Variants in OTOGL observed in about 807,000 individuals in gnomAD.
OTOGL encodes otogelin-like protein.
Under a neutral mutation model 318.5 loss-of-function variants are expected in OTOGL, and 285 were observed. The observed-to-expected ratio is 0.89, with a 90% CI of 0.81 to 0.99. OTOGL has a LOEUF of 0.99. Among genes scored for constraint, OTOGL ranks in the 50% least tolerant of loss-of-function variants. The pLI is 0.00. For synonymous variants in OTOGL, 987 were observed against 936.5 expected, an observed-to-expected ratio of 1.05 and a Z score of -0.99; for missense variants, 2,899 against 2,845.6, an observed-to-expected ratio of 1.02 and a Z score of -0.43.
chr12:80,313,343 A>G (rs1886761160), intron 30 of OTOGL, 133 bp from the exon 31 acceptor site: 2 of 769,590 alleles, frequency 2.6e-6, no homozygotes, highest in Non-Finnish European at 4.1e-6. Flanking sequence ...GGCTTTAAAT[A>G]AAGAGAACTC....
chr12:80,100,210 T>C (rs1869055693), intron 1 of OTOGL, among the ~76,000 whole-genome samples: 1 of 152,184 alleles, frequency 6.6e-6, no homozygotes, highest in Non-Finnish European at 1.5e-5. Context: ...TAGTGGCAAG[T>C]ATTGTTACTT....
At chr12:80,217,709 T>C (rs922682232) in intron 5 of OTOGL, 45 bp downstream of exon 5, 2 of 1,353,230 alleles carry the variant, frequency 1.5e-6, no homozygotes, top group South Asian at 2.6e-5. Context: ...TCTCAGAAAA[T>C]CCCTTTGGGG....
rs1888175686 is a variant in OTOGL, at chr12:80,333,038, T to C, written c.4382T>C (p.Val1461Ala). 4 of 1,602,728 alleles carry C rather than the reference T, an allele frequency of 2.5e-6. No individual in the cohort carries two copies. The highest frequency in any genetic ancestry group is 3.4e-6 in the Non-Finnish European group (4 of 1,173,730). The change falls in exon 38 of 59, where the codon GTG becomes GCG. Residue 1461 changes from valine to alanine, a missense_variant. Transcript: ENST00000547103. The part of the protein sequence containing the change: ...WEMITPSDIT[V>A]FDMLTPTTGL... ...ATGATTACTCCATCAGACATCACTG[T>C]GTTTGATATGCTAACACCAACTACA... is the stretch of plus-strand genomic sequence containing the variant.
intron 52 of OTOGL, among the ~76,000 whole-genome samples, chr12:80,364,031 C>T (rs553490230): frequency 1.3e-5 from 2 of 152,148 alleles, no homozygotes; most frequent in Non-Finnish European, 2.9e-5. Flanking sequence ...TTATTTCCAA[C>T]TCAACCCTCA....
At position 80,265,066 on chromosome 12, in the gene OTOGL, A is replaced by C; in HGVS notation, c.2080A>C (p.Ser694Arg). The C allele has an allele frequency of 6.2e-7, 1 of 1,613,940 alleles. No individual in the cohort carries two copies. Among genetic ancestry groups the C allele is most frequent in the Non-Finnish European group, 8.5e-7 (1 of 1,179,868 alleles). Reference sequence around the variant, plus strand: ...CTTTGCTCCTTGCCACATCTATATTAGCCCTGGGCTGTACTATCAGCTATG... The same window carrying C: ...CTTTGCTCCTTGCCACATCTATATTCGCCCTGGGCTGTACTATCAGCTATG... ...ELFAPCHIYI[S>R]PGLYYQLCRH... Residue 694 changes from serine (S) to arginine (R), a missense_variant, in exon 20 of 59, where the codon AGC becomes CGC. Physicochemically the swap from Ser to Arg is moderately radical, Grantham distance 110 (BLOSUM62 -1). This residue lies in a region of OTOGL where 2,607 missense variants were observed against 2,524.9 expected (regional missense o/e 1.03). Transcript: ENST00000547103.
chr12:80,181,201 T>G (rs149379020), intron 1 of OTOGL, among the ~76,000 whole-genome samples: 4 of 152,310 alleles, frequency 2.6e-5, no homozygotes, highest in African/African-American at 9.6e-5. Flanking sequence ...AGCATACTTT[T>G]TTTTATTTAT....
chr12:80,261,825 CT>C (rs1443354760), intron 18 of OTOGL, 143 bp from the exon 19 acceptor site: 72 of 1,028,700 alleles, frequency 7.0e-5, no homozygotes, highest in South Asian at 8.1e-5. Context: ...TATCGTTGTA[CT>C]TTTTTTTAAA....
chr12:80,140,890 A>AT (rs1002679367), intron 1 of OTOGL, among the ~76,000 whole-genome samples: 24 of 152,078 alleles, frequency 1.6e-4, no homozygotes, highest in Non-Finnish European at 2.4e-4. Context: ...TAATTAAGTG[A>AT]TTTTTTCCCA....
chr12:80,169,311 C>A (rs531881188), intron 1 of OTOGL, among the ~76,000 whole-genome samples: 13 of 152,150 alleles, frequency 8.5e-5, no homozygotes, highest in Admixed American at 2.0e-4. Context: ...ATGACTAGAC[C>A]ATTGCAGTAG....
chr12:80,313,123 C>A (rs372956977), intron 30 of OTOGL, among the ~76,000 whole-genome samples: 2 of 151,962 alleles, frequency 1.3e-5, no homozygotes, highest in African/African-American at 2.4e-5. Context: ...AAGAAAGATA[C>A]GAAATTATAT....
chr12:80,255,301 A>T lies in OTOGL; in HGVS notation c.1587+116A>T, dbSNP rs1592615083. The T allele has an allele frequency of 2.9e-6, 3 of 1,021,794 alleles. No individual in the cohort carries two copies. In the East Asian group the frequency reaches 9.4e-5, roughly 32 times the overall value. The allele number at this position is 1,021,794 out of a possible 1,614,324, so 63.3% of individuals were successfully genotyped here. On this transcript the variant is annotated intron_variant, in intron 16 of 58. Coordinates refer to ENST00000547103, the MANE Select transcript of OTOGL (RefSeq NM_001378609.3). Reference sequence around the variant, plus strand: ...TATAGCTATTTTCCTTAACACTAAGATGACATTGATTATTAAGATACATCA... The same window carrying T: ...TATAGCTATTTTCCTTAACACTAAGTTGACATTGATTATTAAGATACATCA...
At chr12:80,365,480 CAG>C (rs1175745026) in intron 52 of OTOGL, among the ~76,000 whole-genome samples, 1 of 152,074 alleles carries the variant, frequency 6.6e-6, no homozygotes, top group African/African-American at 2.4e-5. Context: ...CTCAAGGAAA[CAG>C]AGTTAACATT....
chr12:80,377,236 C>T lies in OTOGL; in HGVS notation c.6861+34C>T, dbSNP rs745840572. On this transcript the variant is annotated intron_variant, in intron 58 of 58. Coordinates refer to ENST00000547103, the MANE Select transcript of OTOGL (RefSeq NM_001378609.3). ...AAAAATGTCATTTGCTACATAAATG[C>T]ACACATCTTTTTAGAAAGTATGTGT... The T allele has an allele frequency of 2.7e-6, 4 of 1,493,182 alleles. No homozygotes were observed. The East Asian group carries it at 9.2e-5, about 34-fold the overall frequency. 92.5% of individuals were successfully genotyped at this position (1,493,182 alleles called of 1,614,324 possible).
intron 9 of OTOGL, among the ~76,000 whole-genome samples, chr12:80,233,960 T>G (rs1205564957): frequency 3.9e-3 from 4 of 1,018 alleles, no homozygotes; most frequent in Non-Finnish European, 0.028. Context: ...ATAATATTTA[T>G]AACAATAGTT....
At chr12:80,298,531 T>G (rs1885562315) in intron 27 of OTOGL, among the ~76,000 whole-genome samples, 1 of 152,182 alleles carries the variant, frequency 6.6e-6, no homozygotes, top group Non-Finnish European at 1.5e-5. Context: ...ACCCTCCCTA[T>G]TTCTGAAGGC....
chr12:80,187,652 CAATT>C lies in OTOGL; in HGVS notation c.-19-21758_-19-21755del, dbSNP rs150749644. On this transcript the variant is annotated intron_variant, in intron 1 of 58. Coordinates refer to ENST00000547103, the MANE Select transcript of OTOGL (RefSeq NM_001378609.3). ...ATGCATTATAAATAACTGGAAAGCT[CAATT>C]AAGACAGGCCTTGAGCTTTATCTCA... Among the ~76,000 whole-genome samples the C allele has an allele frequency of 5.6e-3, 846 of 152,220 alleles. 11 individuals carry two copies. Among genetic ancestry groups the C allele is most frequent in the African/African-American group, 0.019 (804 of 41,518 alleles).
chr12:80,262,310 T>C (rs1882611966), intron 19 of OTOGL, among the ~76,000 whole-genome samples: 1 of 152,084 alleles, frequency 6.6e-6, no homozygotes, highest in Non-Finnish European at 1.5e-5. Flanking sequence ...TGACAGTGGC[T>C]TTTATTTCCT....
intron 1 of OTOGL, among the ~76,000 whole-genome samples, chr12:80,124,021 G>A (rs1048623925): frequency 1.2e-4 from 19 of 152,078 alleles, no homozygotes; most frequent in Admixed American, 1.2e-3. Flanking sequence ...TTCTTTCGCT[G>A]TGCAGAAGCT....
chr12:80,105,028 G>A (rs1221832687), intron 1 of OTOGL, among the ~76,000 whole-genome samples: 2 of 152,060 alleles, frequency 1.3e-5, no homozygotes, highest in Non-Finnish European at 2.9e-5. Flanking sequence ...CCAGGGAGGT[G>A]GGGGTTGCAG....
Sources: gnomAD v4.1 joint callset for allele counts (sites outside exome capture counted in the v4.1 genomes callset) on GRCh38, gnomAD v4.1.1 for gene constraint, gnomAD v4.1.1 regional missense constraint, MANE v1.5 for transcripts, NCBI Gene and HGNC (gene_info 2026-07-23, HGNC 2026-07-21) for gene names.